Variants in CFAP97D2 observed in about 807,000 individuals in gnomAD.
CFAP97D2 encodes uncharacterized protein CFAP97D2.
intron 1 of CFAP97D2, among the ~76,000 whole-genome samples, chr13:114,193,861 A>T (rs2080877326): frequency 6.6e-6 from 1 of 152,158 alleles, no homozygotes; most frequent in African/African-American, 2.4e-5. Flanking sequence ...TGAACTCCTG[A>T]CCTCAGATGA....
chr13:114,212,463 C>T (rs948887551), intron 4 of CFAP97D2, among the ~76,000 whole-genome samples: 1 of 152,172 alleles, frequency 6.6e-6, no homozygotes, highest in African/African-American at 2.4e-5. Flanking sequence ...TCTATAACCC[C>T]CAGCACTTTG....
intron 2 of CFAP97D2, among the ~76,000 whole-genome samples, chr13:114,198,149 G>A (rs986860185): frequency 2.7e-5 from 4 of 150,552 alleles, no homozygotes; most frequent in Admixed American, 1.3e-4. Flanking sequence ...CACCACGCCC[G>A]GCTAATTTTT....
chr13:114,217,628 A>T (rs1299572126), intron 4 of CFAP97D2, among the ~76,000 whole-genome samples: 3 of 152,224 alleles, frequency 2.0e-5, no homozygotes, highest in Admixed American at 1.3e-4. Context: ...AATCCTCAAT[A>T]AAATACTGGC....
chr13:114,188,762 G>C (rs983648926), intron 1 of CFAP97D2, among the ~76,000 whole-genome samples: 4 of 145,632 alleles, frequency 2.7e-5, no homozygotes, highest in African/African-American at 1.0e-4. Flanking sequence ...GGGCAACAGA[G>C]CGAGACTCAA....
intron 1 of CFAP97D2, among the ~76,000 whole-genome samples, chr13:114,180,518 C>T (rs562145504): frequency 6.6e-6 from 1 of 152,272 alleles, no homozygotes; most frequent in Admixed American, 6.5e-5. Context: ...TCTTCTCTCT[C>T]CCCTCTGCCG....
chr13:114,211,264 C>T lies in CFAP97D2; in HGVS notation c.291-648C>T, dbSNP rs1489854998. ...GCCTCCTGAACAGGTTTCACCGGTC[C>T]CATCTCACCACTGCAGTGGGCTGGC... is the stretch of plus-strand genomic sequence containing the variant. On this transcript the variant is annotated intron_variant, in intron 3 of 4. Coordinates refer to ENST00000646158, the Ensembl canonical transcript of CFAP97D2. The surrounding 1 kb of genome is among the most constrained non-coding windows in gnomAD (Gnocchi z 4.2). Among the ~76,000 whole-genome samples the T allele has an allele frequency of 6.6e-6, 1 of 152,196 alleles. No individual in the cohort carries two copies. The highest frequency in any genetic ancestry group is 1.5e-5 in the Non-Finnish European group (1 of 68,024).
chr13:114,216,976 G>T (rs959840097), intron 4 of CFAP97D2, among the ~76,000 whole-genome samples: 7 of 152,032 alleles, frequency 4.6e-5, no homozygotes, highest in African/African-American at 1.4e-4. Context: ...TTTTAATGAT[G>T]GCCATTCTAA....
Position 114,182,232 on chromosome 13 carries a change from C to T in CFAP97D2, c.90+2812C>T, listed in dbSNP as rs558740475. On this transcript the variant is annotated intron_variant, in intron 1 of 4. Transcript: ENST00000646158. Reference sequence around the variant, plus strand: ...AGGGAAGGTACTATGCCTGGATGTGCACGTAGGCCAGATTTATGTTTCTCT... The same window carrying T: ...AGGGAAGGTACTATGCCTGGATGTGTACGTAGGCCAGATTTATGTTTCTCT... 7.1e-3 allele frequency among the ~76,000 whole-genome samples: 1,070 copies of T among 149,864 alleles called. 8 individuals are homozygous for T. The highest frequency in any genetic ancestry group is 1.0e-2 in the Non-Finnish European group (666 of 66,910).
chr13:114,198,985 C>G (rs1327961200), intron 2 of CFAP97D2, among the ~76,000 whole-genome samples: 3 of 33,696 alleles, frequency 8.9e-5, no homozygotes, highest in Non-Finnish European at 4.5e-5. Context: ...CCCACTGAGG[C>G]GTGACAGCGC....
At chr13:114,193,348 T>C (rs1224300123) in intron 1 of CFAP97D2, among the ~76,000 whole-genome samples, 1 of 152,260 alleles carries the variant, frequency 6.6e-6, no homozygotes, top group African/African-American at 2.4e-5. Context: ...AGTCCATTTG[T>C]GATGCTATAA....
chr13:114,222,369 A>T lies in CFAP97D2; in HGVS notation c.481-129A>T, dbSNP rs1042941692. Reference sequence around the variant, plus strand: ...TGTATCTAAATAAAGCTGTTATTTTAAAAATTGTATGTTTAATTCTAAGTA... The same window carrying T: ...TGTATCTAAATAAAGCTGTTATTTTTAAAATTGTATGTTTAATTCTAAGTA... On this transcript the variant is annotated intron_variant, in intron 4 of 4. Coordinates refer to ENST00000646158, the Ensembl canonical transcript of CFAP97D2. This position sits in a 1 kb window ranked among gnomAD's most constrained non-coding sequence, Gnocchi z 4.4. 3 of 395,832 alleles carry T rather than the reference A, an allele frequency of 7.6e-6. No individual in the cohort carries two copies. Among genetic ancestry groups the T allele is most frequent in the Non-Finnish European group, 4.4e-6 (1 of 224,808 alleles). 24.5% of individuals were successfully genotyped at this position (395,832 alleles called of 1,614,324 possible). A position where few individuals can be genotyped will look rare whatever the true frequency, so the allele number is the denominator to read the frequency against.
chr13:114,205,250 C>T (rs889747261), intron 3 of CFAP97D2, among the ~76,000 whole-genome samples: 4 of 152,126 alleles, frequency 2.6e-5, no homozygotes, highest in African/African-American at 9.7e-5. Context: ...GGAAAACAGT[C>T]CAGAAGTTCC....
intron 1 of CFAP97D2, among the ~76,000 whole-genome samples, chr13:114,180,995 G>C (rs1253634544): frequency 3.9e-5 from 6 of 152,352 alleles, no homozygotes; most frequent in Middle Eastern, 3.4e-3. Context: ...GCATAAGCTA[G>C]TTTAGCAGCT....
intron 1 of CFAP97D2, among the ~76,000 whole-genome samples, chr13:114,190,088 G>A (rs1033399150): frequency 5.3e-5 from 8 of 152,240 alleles, no homozygotes; most frequent in African/African-American, 1.9e-4. Context: ...ATTACAGTGA[G>A]CTATGATTGC....
rs1036573676 is a variant in CFAP97D2, at chr13:114,185,703, G to A, written c.90+6283G>A. The stretch of plus-strand genomic sequence containing the variant: ...CCAAGCCCAGGCACTGTCACAGCCC[G>A]GCTGGGTGTGCCCACACTTAGGGCA... On this transcript the variant is annotated intron_variant, in intron 1 of 4. Coordinates refer to ENST00000646158, the Ensembl canonical transcript of CFAP97D2. The surrounding 1 kb of genome is among the most constrained non-coding windows in gnomAD (Gnocchi z 5.2). Among the ~76,000 whole-genome samples, 8 of 152,356 alleles carry A rather than the reference G, an allele frequency of 5.3e-5. No homozygotes were observed. Among genetic ancestry groups the A allele is most frequent in the Non-Finnish European group, 1.0e-4 (7 of 68,026 alleles).
At chr13:114,219,914 T>A (rs1413937879) in intron 4 of CFAP97D2, among the ~76,000 whole-genome samples, 2 of 151,414 alleles carry the variant, frequency 1.3e-5, no homozygotes. Flanking sequence ...CAGTCTTCAG[T>A]CCCCTTCTCT....
intron 4 of CFAP97D2, among the ~76,000 whole-genome samples, chr13:114,214,739 A>G (rs1399912505): frequency 6.6e-6 from 1 of 152,162 alleles, no homozygotes; most frequent in East Asian, 1.9e-4. Flanking sequence ...GGCATGAGCC[A>G]CTGCACCCGG....
At chr13:114,182,459 T>A (rs1480816304) in intron 1 of CFAP97D2, among the ~76,000 whole-genome samples, 6 of 151,898 alleles carry the variant, frequency 4.0e-5, no homozygotes, top group South Asian at 2.1e-4. Context: ...GCCTTCCTCT[T>A]TTACTAATCC....
chr13:114,182,573 C>CA (rs1009508868), intron 1 of CFAP97D2, among the ~76,000 whole-genome samples: 43 of 152,288 alleles, frequency 2.8e-4, no homozygotes, highest in Non-Finnish European at 5.7e-4. Context: ...AAACCTTGGA[C>CA]AATACCCCGC....
Sources: gnomAD v4.1 joint callset for allele counts (sites outside exome capture counted in the v4.1 genomes callset) on GRCh38, gnomAD v4.1.1 for gene constraint, Gnocchi (gnomAD v3.1) non-coding constraint, MANE v1.5 for transcripts, NCBI Gene and HGNC (gene_info 2026-07-23, HGNC 2026-07-21) for gene names.